Variants in GFRA1 observed in about 807,000 individuals in gnomAD.
GFRA1 encodes GDNF family receptor alpha 1, also known as GDNF family receptor alpha-1.
GFRA1 carries 16 observed loss-of-function variants against 51.6 expected under a neutral mutation model. The ratio of observed to expected loss-of-function variants is 0.31; its 90% CI spans 0.21 to 0.47. The LOEUF is 0.47. Among genes scored for constraint, GFRA1 ranks in the 20% least tolerant of loss-of-function variants. The pLI is 1.00. For missense variants in GFRA1, 530 were observed against 594.3 expected (o/e 0.89, Z 1.13); for synonymous variants, 270 against 241.3 (o/e 1.12, Z -1.10).
At chr10:116,195,849 T>A (rs930992867) in intron 5 of GFRA1, among the ~76,000 whole-genome samples, 4 of 152,308 alleles carry the variant, frequency 2.6e-5, no homozygotes, top group African/African-American at 9.6e-5. Context: ...TGAGTTTGAA[T>A]CTTGACTCTG....
At position 116,222,649 on chromosome 10, in the gene GFRA1, G is replaced by T. The variant is rs549139759; in HGVS notation, c.419-11004C>A. Among the ~76,000 whole-genome samples the T allele has an allele frequency of 1.2e-4, 18 of 152,272 alleles. No homozygotes were observed. In the South Asian group the frequency reaches 2.5e-3, roughly 21 times the overall value. On this transcript the variant is annotated intron_variant, in intron 4 of 10. Transcript: ENST00000355422. ...CAAGCTAATAAAGACTTCACACAGCGCCTGACACATAGAAGGCACTTCACA... is the reference window on the plus strand; with the variant it reads ...CAAGCTAATAAAGACTTCACACAGCTCCTGACACATAGAAGGCACTTCACA...
At chr10:116,165,361 T>C (rs1960270150) in intron 5 of GFRA1, among the ~76,000 whole-genome samples, 1 of 146,080 alleles carries the variant, frequency 6.8e-6, no homozygotes, top group Non-Finnish European at 1.5e-5. Context: ...TCTCTCCTTA[T>C]AAAACTGAGG....
At chr10:116,115,504 G>A (rs1252085727) in intron 6 of GFRA1, among the ~76,000 whole-genome samples, 1 of 152,014 alleles carries the variant, frequency 6.6e-6, no homozygotes, top group Non-Finnish European at 1.5e-5. Context: ...GCCCTGCCCT[G>A]CCCTCCAGGG....
intron 9 of GFRA1, among the ~76,000 whole-genome samples, chr10:116,070,810 G>C (rs1313464732): frequency 7.0e-6 from 1 of 143,244 alleles, no homozygotes; most frequent in Non-Finnish European, 1.5e-5. Context: ...TTGACATCTG[G>C]GATTGCTGGG....
chr10:116,132,381 G>A (rs1161552360), intron 5 of GFRA1, among the ~76,000 whole-genome samples: 2 of 149,850 alleles, frequency 1.3e-5, no homozygotes, highest in African/African-American at 4.9e-5. Flanking sequence ...ATTCAGATGT[G>A]AATATGGAAT....
intron 5 of GFRA1, among the ~76,000 whole-genome samples, chr10:116,131,406 G>T (rs1042219310): frequency 6.6e-6 from 1 of 152,084 alleles, no homozygotes; most frequent in South Asian, 2.1e-4. Flanking sequence ...CTACTTTTAG[G>T]TTTTTATCCA....
intron 4 of GFRA1, among the ~76,000 whole-genome samples, chr10:116,232,149 C>T (rs1169390987): frequency 3.3e-5 from 5 of 152,132 alleles, no homozygotes; most frequent in African/African-American, 1.2e-4. Context: ...TCAAACCATC[C>T]ATACTTGGAT....
At chr10:116,273,798 C>T (rs1472026524), upstream of GFRA1, among the ~76,000 whole-genome samples, 1 of 152,178 alleles carries the variant, frequency 6.6e-6, no homozygotes, top group Non-Finnish European at 1.5e-5. Context: ...AGTTTTCCCC[C>T]ACGTCACTAG....
In GFRA1 at chr10:116,093,710, G is replaced by A. The variant is rs1442854561; in HGVS notation, c.1007C>T (p.Thr336Ile). The change falls in exon 8 of 11, where the codon ACA becomes ATA. Residue 336 changes from threonine (T) to isoleucine (I), a missense_variant. Coordinates refer to ENST00000355422, the MANE Select transcript of GFRA1 (RefSeq NM_005264.8). ...ATTTTTTACAAACTCACTAAGACAT[G>A]TATTGTCCTTGAAGAAATTCAAAAA... The part of the protein sequence containing the change: ...LKFLNFFKDN[T>I]CLKNAIQAFG... 6.2e-7 allele frequency: 1 copy of A among 1,613,606 alleles called. No individual in the cohort carries two copies. The highest frequency in any genetic ancestry group is 8.5e-7 in the Non-Finnish European group (1 of 1,179,642).
At chr10:116,231,594 G>T (rs1165422947) in intron 4 of GFRA1, among the ~76,000 whole-genome samples, 1 of 152,054 alleles carries the variant, frequency 6.6e-6, no homozygotes, top group African/African-American at 2.4e-5. Context: ...TTCTACATTA[G>T]ATTTAGATTA....
At chr10:116,224,734 A>C (rs1966160566) in intron 4 of GFRA1, among the ~76,000 whole-genome samples, 1 of 152,248 alleles carries the variant, frequency 6.6e-6, no homozygotes, top group Non-Finnish European at 1.5e-5. Context: ...TTAAGGAGGT[A>C]ATGAAAACAC....
intron 5 of GFRA1, 89 bp from the exon 6 acceptor site, chr10:116,125,646 C>A: frequency 9.8e-7 from 1 of 1,022,228 alleles, no homozygotes; most frequent in Non-Finnish European, 1.5e-6. Flanking sequence ...TGCCATTTAT[C>A]TGGCATTGCC....
intron 5 of GFRA1, among the ~76,000 whole-genome samples, chr10:116,156,949 A>G (rs539675235): frequency 2.6e-5 from 4 of 152,308 alleles, no homozygotes; most frequent in Non-Finnish European, 5.9e-5. Context: ...CCAGCTAATT[A>G]TAACTAGCTA....
intron 5 of GFRA1, among the ~76,000 whole-genome samples, chr10:116,164,604 T>A (rs1334280302): frequency 6.6e-6 from 1 of 152,230 alleles, no homozygotes; most frequent in African/African-American, 2.4e-5. Flanking sequence ...CGGATTCTCA[T>A]TCAGTGTTGG....
chr10:116,060,553 G>A lies in GFRA1; in HGVS notation c.*3845C>T, dbSNP rs1318180615. On this transcript the variant is annotated 3_prime_UTR_variant, in exon 11 of 11. Coordinates refer to ENST00000355422, the MANE Select transcript of GFRA1 (RefSeq NM_005264.8). ...TATCTCGCCAACTCTCCAAGCTCAG[G>A]TGGGCCTTCTGCTGTCACTGTGCCC... 6.6e-6 allele frequency: 1 copy of A among 152,176 alleles called. No homozygotes were observed. The highest frequency in any genetic ancestry group is 1.5e-5 in the Non-Finnish European group (1 of 68,052). 9.4% of individuals were successfully genotyped at this position (152,176 alleles called of 1,614,324 possible). A position where few individuals can be genotyped will look rare whatever the true frequency, so the allele number is the denominator to read the frequency against.
intron 4 of GFRA1, among the ~76,000 whole-genome samples, chr10:116,257,912 C>A (rs1317380059): frequency 1.3e-5 from 2 of 152,190 alleles, no homozygotes; most frequent in Non-Finnish European, 2.9e-5. Flanking sequence ...CCTGGACACA[C>A]TGTGCCTTTG....
At chr10:116,149,214 T>G (rs1490031495) in intron 5 of GFRA1, among the ~76,000 whole-genome samples, 1 of 152,220 alleles carries the variant, frequency 6.6e-6, no homozygotes, top group Admixed American at 6.5e-5. Context: ...GTCATTACTC[T>G]TTATCTCCTT....
In GFRA1 at chr10:116,061,007, T is replaced by G. The variant is rs1390015394; in HGVS notation, c.*3391A>C. Reference sequence around the variant, plus strand: ...CATGGACTCCAAAATGCTTTGGCTCTCCCACTCTCCTAGTATAGCAGATGG... The same window carrying G: ...CATGGACTCCAAAATGCTTTGGCTCGCCCACTCTCCTAGTATAGCAGATGG... On this transcript the variant is annotated 3_prime_UTR_variant, in exon 11 of 11. Coordinates refer to ENST00000355422, the MANE Select transcript of GFRA1 (RefSeq NM_005264.8). 2 of 152,186 alleles carry G rather than the reference T, an allele frequency of 1.3e-5. No homozygotes were observed. Among genetic ancestry groups the G allele is most frequent in the African/African-American group, 4.8e-5 (2 of 41,442 alleles). 9.4% of individuals were successfully genotyped at this position (152,186 alleles called of 1,614,324 possible).
In GFRA1 at chr10:116,064,088, C is replaced by CATG. The variant is rs560487783; in HGVS notation, c.*307_*309dup. Reference sequence around the variant, plus strand: ...TCATCATGATCATGATGATCATCATCATGATCATCATCATCATCGAAAACA... The same window carrying CATG: ...TCATCATGATCATGATGATCATCATCATGATGATCATCATCATCATCGAAAACA... On this transcript the variant is annotated 3_prime_UTR_variant, in exon 11 of 11. Transcript: ENST00000355422. The CATG allele has an allele frequency of 4.8e-4, 83 of 173,246 alleles. No individual in the cohort carries two copies. In the East Asian group the frequency reaches 0.011, roughly 22 times the overall value. 10.7% of individuals were successfully genotyped at this position (173,246 alleles called of 1,614,324 possible). A position where few individuals can be genotyped will look rare whatever the true frequency, so the allele number is the denominator to read the frequency against.
Sources: gnomAD v4.1 joint callset for allele counts (sites outside exome capture counted in the v4.1 genomes callset) on GRCh38, gnomAD v4.1.1 for gene constraint, MANE v1.5 for transcripts, NCBI Gene and HGNC (gene_info 2026-07-23, HGNC 2026-07-21) for gene names.